Variants in EFR3B observed in about 807,000 individuals in gnomAD.
The protein encoded by EFR3B is EFR3 homolog B, also known as protein EFR3 homolog B.
In EFR3B, 64 loss-of-function variants were observed where a neutral mutation model predicts 104.7. The ratio of observed to expected loss-of-function variants is 0.61; its 90% CI spans 0.50 to 0.75. The LOEUF (loss-of-function observed/expected upper bound fraction) is 0.75. EFR3B is among the 30% of genes least tolerant of loss of function. The pLI is 0.00. For synonymous variants in EFR3B, 385 were observed against 417.9 expected, an observed-to-expected ratio of 0.92 and a Z score of 0.96; for missense variants, 750 against 1,078.5, an observed-to-expected ratio of 0.70 and a Z score of 4.27.
rs57237582 is a variant in EFR3B, at chr2:25,124,331, T to A, written c.485+2537T>A. ...GTGTGTGTGTGTGTGTGTGTGTGTG[T>A]GATTCCTCAGGGTCAGTGGATCAGT... On this transcript the variant is annotated intron_variant, in intron 5 of 22. Coordinates refer to ENST00000403714, the MANE Select transcript of EFR3B (RefSeq NM_014971.2). 3.3e-4 allele frequency among the ~76,000 whole-genome samples: 44 copies of A among 131,496 alleles called. No individual in the cohort carries two copies. The East Asian group carries it at 5.7e-3, about 17-fold the overall frequency. The allele number at this position is 131,496 out of a possible 152,430, so 86.3% of individuals were successfully genotyped here. A position where few individuals can be genotyped will look rare whatever the true frequency, so the allele number is the denominator to read the frequency against.
Position 25,042,163 on chromosome 2 carries a change from C to G in EFR3B, c.-150C>G, listed in dbSNP as rs2149159747. On this transcript the variant is annotated 5_prime_UTR_variant, in exon 1 of 23. Coordinates refer to ENST00000403714, the MANE Select transcript of EFR3B (RefSeq NM_014971.2). The surrounding 1 kb of genome is among the most constrained non-coding windows in gnomAD (Gnocchi z 5.4). ...CGCCCGGCTCCGTCCTGCCCGCGGC[C>G]GGCCCCCGCGTCTGCTCCCTCCCCG... The G allele has an allele frequency of 1.4e-6, 1 of 735,034 alleles. No homozygotes were observed. The highest frequency in any genetic ancestry group is 4.0e-5 in the East Asian group (1 of 25,246). 45.5% of individuals were successfully genotyped at this position (735,034 alleles called of 1,614,324 possible).
chr2:25,091,787 G>C (rs1240631480), intron 2 of EFR3B, among the ~76,000 whole-genome samples: 1 of 152,168 alleles, frequency 6.6e-6, no homozygotes, highest in Non-Finnish European at 1.5e-5. Flanking sequence ...CTTGGGTTGG[G>C]CTCAGGAGCC....
rs1671183507 is a variant in EFR3B, at chr2:25,156,867, A to G, written c.*2527A>G. ...TGTTCTTTCCTCACTAGCTCCTCCC[A>G]GGTTTTATCCTGCACCCAGCTTGGA... On this transcript the variant is annotated 3_prime_UTR_variant, in exon 23 of 23. Transcript: ENST00000403714. The G allele has an allele frequency of 6.6e-6, 1 of 152,222 alleles. No individual in the cohort carries two copies. Among genetic ancestry groups the G allele is most frequent in the Non-Finnish European group, 1.5e-5 (1 of 68,040 alleles). The allele number at this position is 152,222 out of a possible 1,614,324, so 9.4% of individuals were successfully genotyped here.
At chr2:25,087,226 C>G (rs1434576342) in intron 1 of EFR3B, among the ~76,000 whole-genome samples, 1 of 152,034 alleles carries the variant, frequency 6.6e-6, no homozygotes, top group South Asian at 2.1e-4. Flanking sequence ...ATTACCTCCC[C>G]CTAGGTCCCT....
intron 6 of EFR3B, 94 bp downstream of exon 6, chr2:25,128,426 A>C: frequency 6.8e-6 from 10 of 1,471,972 alleles, no homozygotes; most frequent in Non-Finnish European, 7.4e-6. Flanking sequence ...AGTAAAACTC[A>C]GCTACAAGGC....
chr2:25,131,237 G>A lies in EFR3B; in HGVS notation c.850-131G>A. 1 of 1,257,752 alleles carries A rather than the reference G, an allele frequency of 8.0e-7. No homozygotes were observed. The highest frequency in any genetic ancestry group is 1.1e-6 in the Non-Finnish European group (1 of 928,176). 77.9% of individuals were successfully genotyped at this position (1,257,752 alleles called of 1,614,324 possible). A position where few individuals can be genotyped will look rare whatever the true frequency, so the allele number is the denominator to read the frequency against. ...CCAGTAAAGGGCACGAGGTGTCAGT[G>A]CCAACTGCAGTGCCCGGGGCCTTGG... On this transcript the variant is annotated intron_variant, in intron 8 of 22. Transcript: ENST00000403714. This position sits in a 1 kb window ranked among gnomAD's most constrained non-coding sequence, Gnocchi z 7.6.
chr2:25,095,175 G>A (rs1669243481), intron 3 of EFR3B, among the ~76,000 whole-genome samples: 1 of 152,170 alleles, frequency 6.6e-6, no homozygotes, highest in Admixed American at 6.5e-5. Flanking sequence ...AAAAGTAGAA[G>A]TAAAATGTCC....
chr2:25,076,137 C>T (rs1668627669), intron 1 of EFR3B, among the ~76,000 whole-genome samples: 1 of 152,168 alleles, frequency 6.6e-6, no homozygotes, highest in Non-Finnish European at 1.5e-5. Context: ...AAGTGATCCT[C>T]CCACCTCGAC....
At chr2:25,046,759 T>C (rs1667731965) in intron 1 of EFR3B, among the ~76,000 whole-genome samples, 1 of 152,060 alleles carries the variant, frequency 6.6e-6, no homozygotes, top group Non-Finnish European at 1.5e-5. Context: ...CGCCTCGGCC[T>C]CCCAAAGTGC....
chr2:25,131,944 G>T lies in EFR3B; in HGVS notation c.1147+33G>T. 2 of 1,434,058 alleles carry T rather than the reference G, an allele frequency of 1.4e-6. No individual in the cohort carries two copies. Among genetic ancestry groups the T allele is most frequent in the Non-Finnish European group, 1.8e-6 (2 of 1,094,772 alleles). The allele number at this position is 1,434,058 out of a possible 1,614,324, so 88.8% of individuals were successfully genotyped here. ...GCGGGGCCGGGCCGGGGCGGGGCGG[G>T]GCCGAGGCGCGGAGTGGGGAGGGGA... On this transcript the variant is annotated intron_variant, in intron 10 of 22. Coordinates refer to ENST00000403714, the MANE Select transcript of EFR3B (RefSeq NM_014971.2). This position sits in a 1 kb window ranked among gnomAD's most constrained non-coding sequence, Gnocchi z 7.6.
chr2:25,061,132 T>TC (rs1292159206), intron 1 of EFR3B, among the ~76,000 whole-genome samples: 6 of 151,976 alleles, frequency 3.9e-5, no homozygotes, highest in Admixed American at 3.9e-4. Flanking sequence ...GGTTGATTTT[T>TC]TTTTTTTTTT....
intron 1 of EFR3B, among the ~76,000 whole-genome samples, chr2:25,051,812 G>A (rs1667878610): frequency 6.6e-6 from 1 of 150,860 alleles, no homozygotes; most frequent in East Asian, 2.0e-4. Flanking sequence ...GTTAGTTTTT[G>A]TATTTTTAGT....
chr2:25,100,346 C>T (rs528782903), intron 3 of EFR3B, among the ~76,000 whole-genome samples: 1 of 152,232 alleles, frequency 6.6e-6, no homozygotes, highest in East Asian at 1.9e-4. Flanking sequence ...GTTTTAGGCA[C>T]CTTTAACATT....
intron 4 of EFR3B, among the ~76,000 whole-genome samples, chr2:25,117,767 G>A (rs901951819): frequency 4.6e-5 from 7 of 151,970 alleles, no homozygotes; most frequent in Non-Finnish European, 1.0e-4. Context: ...TCCACCTCTT[G>A]TTCTCTAACA....
Position 25,042,654 on chromosome 2 carries a change from A to C in EFR3B, c.7+335A>C. The C allele has an allele frequency of 3.7e-6, 4 of 1,095,178 alleles. No individual in the cohort carries two copies. Among genetic ancestry groups the C allele is most frequent in the Non-Finnish European group, 4.4e-6 (4 of 901,180 alleles). 67.8% of individuals were successfully genotyped at this position (1,095,178 alleles called of 1,614,324 possible). ...GTGGTCGTGTGGCAGCATTTGCGGA[A>C]TTAACAAAAGCGGTTTGTGCCTGGG... On this transcript the variant is annotated intron_variant, in intron 1 of 22. Coordinates refer to ENST00000403714, the MANE Select transcript of EFR3B (RefSeq NM_014971.2). The surrounding 1 kb of genome is among the most constrained non-coding windows in gnomAD (Gnocchi z 5.4).
intron 1 of EFR3B, among the ~76,000 whole-genome samples, chr2:25,074,703 C>T (rs1046356223): frequency 1.3e-4 from 20 of 151,078 alleles, no homozygotes; most frequent in Middle Eastern, 3.2e-3. Flanking sequence ...CTGCAACCTC[C>T]GTCTCCCAGG....
intron 1 of EFR3B, among the ~76,000 whole-genome samples, chr2:25,046,030 C>G (rs759368997): frequency 6.6e-6 from 1 of 152,200 alleles, no homozygotes; most frequent in Non-Finnish European, 1.5e-5. Context: ...CAGCAAATGC[C>G]TCTCGTCCCG....
chr2:25,089,734 T>C (rs1573194449), intron 1 of EFR3B, among the ~76,000 whole-genome samples: 1 of 151,758 alleles, frequency 6.6e-6, no homozygotes, highest in Non-Finnish European at 1.5e-5. Flanking sequence ...AGGGAGAGGG[T>C]GAGGAGATGC....
intron 17 of EFR3B, among the ~76,000 whole-genome samples, chr2:25,143,411 C>A (rs999212103): frequency 1.3e-5 from 2 of 152,214 alleles, no homozygotes; most frequent in South Asian, 4.1e-4. Flanking sequence ...GTAATCCCAG[C>A]ATTTTGGGAG....
Sources: gnomAD v4.1 joint callset for allele counts (sites outside exome capture counted in the v4.1 genomes callset) on GRCh38, gnomAD v4.1.1 for gene constraint, Gnocchi (gnomAD v3.1) non-coding constraint, MANE v1.5 for transcripts, NCBI Gene and HGNC (gene_info 2026-07-23, HGNC 2026-07-21) for gene names.